The following WWC2 variants were observed in gnomAD, a reference collection of about 807,000 sequenced individuals.
The protein encoded by WWC2 is WW and C2 domain containing 2.
WWC2 carries 101 observed loss-of-function variants against 138.5 expected under a neutral mutation model. That is an observed-to-expected ratio of 0.73 (90% confidence interval 0.62 to 0.86). The LOEUF (loss-of-function observed/expected upper bound fraction) is 0.86. Among genes scored for constraint, WWC2 ranks in the 40% least tolerant of loss-of-function variants. The pLI, the probability that WWC2 is intolerant of heterozygous loss-of-function variation, is 0.00. For missense variants in WWC2, 1,420 were observed against 1,419.4 expected (o/e 1.00, Z -0.01); for synonymous variants, 558 against 538.4 (o/e 1.04, Z -0.50).
chr4:183,115,589 G>A (rs1323411007), intron 1 of WWC2, among the ~76,000 whole-genome samples: 1 of 152,070 alleles, frequency 6.6e-6, no homozygotes, highest in Non-Finnish European at 1.5e-5. Flanking sequence ...TCTCATTGTG[G>A]TTTTGATTTG....
At chr4:183,174,617 G>A (rs1421246902) in intron 1 of WWC2, among the ~76,000 whole-genome samples, 1 of 152,090 alleles carries the variant, frequency 6.6e-6, no homozygotes, top group Non-Finnish European at 1.5e-5. Context: ...GTGTTTACTG[G>A]AAGTTCTTTA....
intron 21 of WWC2, among the ~76,000 whole-genome samples, chr4:183,295,684 T>C (rs1738606578): frequency 6.6e-6 from 1 of 152,218 alleles, no homozygotes; most frequent in Admixed American, 6.5e-5. Flanking sequence ...AACAGTTTTC[T>C]GCTGTTTTTG....
intron 9 of WWC2, among the ~76,000 whole-genome samples, chr4:183,255,254 C>T (rs1161679253): frequency 1.3e-5 from 2 of 152,306 alleles, no homozygotes; most frequent in East Asian, 3.9e-4. Context: ...ATTTTGCTGA[C>T]CAAACGGTCA....
intron 1 of WWC2, among the ~76,000 whole-genome samples, chr4:183,138,636 G>T (rs1409720373): frequency 6.6e-6 from 1 of 151,998 alleles, no homozygotes; most frequent in Admixed American, 6.6e-5. Context: ...TGACTCCTGC[G>T]CAAAGTCATT....
At chr4:183,168,695 G>A (rs1455942630) in intron 1 of WWC2, among the ~76,000 whole-genome samples, 1 of 152,118 alleles carries the variant, frequency 6.6e-6, no homozygotes, top group Non-Finnish European at 1.5e-5. Context: ...ATATGCACTG[G>A]CTGTGGTGGA....
chr4:183,253,961 G>C lies in WWC2; in HGVS notation c.1158G>C (p.Leu386=). ...AERQRLEEEL[L]SVRGTPSRAL... ...GGCAGCGGCTGGAAGAAGAGTTGCTGTCTGTGAGGGGAACACCAAGCAGAG... is the reference window on the plus strand; with the variant it reads ...GGCAGCGGCTGGAAGAAGAGTTGCTCTCTGTGAGGGGAACACCAAGCAGAG... The change falls in exon 9 of 23, where the codon CTG becomes CTC. Residue 386 remains leucine (L), a synonymous_variant. Coordinates refer to ENST00000403733, the MANE Select transcript of WWC2 (RefSeq NM_024949.6). 5 of 1,613,856 alleles carry C rather than the reference G, an allele frequency of 3.1e-6. No homozygotes were observed. The highest frequency in any genetic ancestry group is 4.2e-6 in the Non-Finnish European group (5 of 1,179,822).
intron 1 of WWC2, among the ~76,000 whole-genome samples, chr4:183,175,275 T>C (rs1251535492): frequency 6.6e-6 from 1 of 152,212 alleles, no homozygotes; most frequent in Non-Finnish European, 1.5e-5. Flanking sequence ...TGTTTTTGTT[T>C]TTGTTTTTGA....
At chr4:183,141,733 A>T (rs1353316877) in intron 1 of WWC2, among the ~76,000 whole-genome samples, 4 of 152,240 alleles carry the variant, frequency 2.6e-5, no homozygotes, top group Non-Finnish European at 4.4e-5. Context: ...TGAGAGGTGT[A>T]TCATTATGTA....
intron 1 of WWC2, among the ~76,000 whole-genome samples, chr4:183,118,762 A>G (rs768689911): frequency 9.8e-5 from 15 of 152,320 alleles, no homozygotes; most frequent in Admixed American, 2.6e-4. Context: ...CTAAAATGCT[A>G]TTCAAATGAG....
intron 1 of WWC2, among the ~76,000 whole-genome samples, chr4:183,188,690 G>A (rs1397435327): frequency 1.4e-5 from 2 of 141,078 alleles, no homozygotes; most frequent in Admixed American, 1.5e-4. Context: ...TTGTCCCCAG[G>A]CTGGAGTGCA....
chr4:183,151,994 G>T (rs1399794781), intron 1 of WWC2, among the ~76,000 whole-genome samples: 4 of 152,068 alleles, frequency 2.6e-5, no homozygotes, highest in African/African-American at 9.7e-5. Flanking sequence ...CATATACATT[G>T]GAATCTAGAA....
chr4:183,132,575 T>A (rs1579969919), intron 1 of WWC2, among the ~76,000 whole-genome samples: 2 of 151,804 alleles, frequency 1.3e-5, no homozygotes, highest in East Asian at 3.9e-4. Context: ...TGCCTCAGCC[T>A]CCCGAGTAGC....
chr4:183,319,492 A>G lies in WWC2; in HGVS notation c.*3763A>G. On this transcript the variant is annotated 3_prime_UTR_variant, in exon 23 of 23. Coordinates refer to ENST00000403733, the MANE Select transcript of WWC2 (RefSeq NM_024949.6). ...AGCACAGTGAGATGACTAGAGCGGG[A>G]CATCCTACCAAATCCAGTGTTGAGC... 1.4e-6 allele frequency: 2 copies of G among 1,460,374 alleles called. No individual in the cohort carries two copies. 90.5% of individuals were successfully genotyped at this position (1,460,374 alleles called of 1,614,324 possible).
intron 1 of WWC2, among the ~76,000 whole-genome samples, chr4:183,119,242 C>A (rs1367167841): frequency 6.6e-6 from 1 of 152,110 alleles, no homozygotes; most frequent in East Asian, 1.9e-4. Context: ...AATTCCCTCT[C>A]CAGAAGGGCA....
At chr4:183,294,024 T>C (rs1738551483) in intron 21 of WWC2, among the ~76,000 whole-genome samples, 2 of 152,122 alleles carry the variant, frequency 1.3e-5, no homozygotes, top group Admixed American at 1.3e-4. Context: ...TGATATAATG[T>C]AATTGTATTA....
At chr4:183,250,128 A>G (rs1481995221) in intron 8 of WWC2, 135 bp downstream of exon 8, 3 of 722,892 alleles carry the variant, frequency 4.2e-6, no homozygotes, top group Non-Finnish European at 6.8e-6. Flanking sequence ...TTAGCATGTC[A>G]GGGCTGCTTC....
intron 21 of WWC2, among the ~76,000 whole-genome samples, chr4:183,290,202 A>C (rs1282756545): frequency 1.3e-5 from 2 of 152,184 alleles, no homozygotes; most frequent in Non-Finnish European, 2.9e-5. Flanking sequence ...CTAAAAAAAG[A>C]TGAAATCACT....
At chr4:183,257,747 G>T (rs1737193267) in intron 9 of WWC2, among the ~76,000 whole-genome samples, 1 of 152,180 alleles carries the variant, frequency 6.6e-6, no homozygotes, top group Non-Finnish European at 1.5e-5. Context: ...GGCCCACTAG[G>T]AGGGTTTCTG....
At chr4:183,121,415 C>T (rs1732596560) in intron 1 of WWC2, among the ~76,000 whole-genome samples, 1 of 151,610 alleles carries the variant, frequency 6.6e-6, no homozygotes. Flanking sequence ...ACCAAAAATC[C>T]AAAATTCATA....
Sources: gnomAD v4.1 joint callset for allele counts (sites outside exome capture counted in the v4.1 genomes callset) on GRCh38, gnomAD v4.1.1 for gene constraint, MANE v1.5 for transcripts, NCBI Gene and HGNC (gene_info 2026-07-23, HGNC 2026-07-21) for gene names.